Variants in TTLL11 observed in about 807,000 individuals in gnomAD.
The protein encoded by TTLL11 is tubulin tyrosine ligase like 11.
Under a neutral mutation model 51.7 loss-of-function variants are expected in TTLL11, and 42 were observed. The observed-to-expected ratio is 0.81, with a 90% CI of 0.64 to 1.05. TTLL11 has a LOEUF of 1.05. Ranked by LOEUF, TTLL11 falls within the 50% of genes least tolerant of loss-of-function variation. The pLI is 0.00. For missense variants in TTLL11, 799 were observed against 940.4 expected (o/e 0.85, Z 1.97); for synonymous variants, 381 against 383.5 (o/e 0.99, Z 0.08).
intron 3 of TTLL11, among the ~76,000 whole-genome samples, chr9:122,007,062 T>C (rs1433495031): frequency 6.6e-6 from 1 of 152,032 alleles, no homozygotes; most frequent in Admixed American, 6.6e-5. Context: ...TTGTTTTTAT[T>C]TTAACTACAT....
chr9:121,869,099 T>C (rs531192672), intron 7 of TTLL11, among the ~76,000 whole-genome samples: 275 of 152,322 alleles, frequency 1.8e-3, no homozygotes, highest in African/African-American at 6.3e-3. Flanking sequence ...TCCCAAAGCC[T>C]GTCCTCTTTC....
At chr9:121,833,479 C>T (rs1837088510) in intron 8 of TTLL11, among the ~76,000 whole-genome samples, 1 of 152,220 alleles carries the variant, frequency 6.6e-6, no homozygotes, top group African/African-American at 2.4e-5. Flanking sequence ...AGGATGGGAA[C>T]AAGAATCCTA....
chr9:121,960,295 G>A (rs972968274), intron 6 of TTLL11, among the ~76,000 whole-genome samples: 4 of 152,110 alleles, frequency 2.6e-5, no homozygotes, highest in Admixed American at 6.5e-5. Flanking sequence ...TTTCATTGAC[G>A]TATAGTACTC....
chr9:121,990,285 G>A (rs978517412), intron 3 of TTLL11, among the ~76,000 whole-genome samples: 8 of 152,218 alleles, frequency 5.3e-5, no homozygotes, highest in Admixed American at 4.6e-4. Flanking sequence ...TCAGACACTG[G>A]CCCTGCTCCT....
intron 4 of TTLL11, among the ~76,000 whole-genome samples, chr9:121,987,061 CA>C (rs1057202061): frequency 9.9e-5 from 15 of 151,888 alleles, no homozygotes; most frequent in African/African-American, 3.6e-4. Flanking sequence ...TTATAAAACT[CA>C]AAAACAAGCA....
intron 6 of TTLL11, among the ~76,000 whole-genome samples, chr9:121,953,470 A>G (rs1470259340): frequency 6.6e-6 from 1 of 151,888 alleles, no homozygotes; most frequent in African/African-American, 2.4e-5. Flanking sequence ...CATCTCTACT[A>G]AAAAATACAA....
At chr9:121,878,181 G>A (rs1838639569) in intron 6 of TTLL11, among the ~76,000 whole-genome samples, 4 of 152,094 alleles carry the variant, frequency 2.6e-5, no homozygotes, top group South Asian at 2.1e-4. Context: ...CTGTGGGGTG[G>A]CGTGAGGCTA....
chr9:122,055,427 AT>A (rs1845268942), intron 1 of TTLL11, among the ~76,000 whole-genome samples: 1 of 152,106 alleles, frequency 6.6e-6, no homozygotes, highest in African/African-American at 2.4e-5. Context: ...CCATTCCAGG[AT>A]TTTCACATCT....
intron 6 of TTLL11, among the ~76,000 whole-genome samples, chr9:121,877,932 G>A (rs902829791): frequency 3.3e-5 from 5 of 152,120 alleles, no homozygotes; most frequent in African/African-American, 7.2e-5. Flanking sequence ...GAGTCAGGCC[G>A]GTTATTTGTA....
intron 8 of TTLL11, among the ~76,000 whole-genome samples, chr9:121,847,809 A>ATTCT (rs1451871355): frequency 1.3e-5 from 2 of 152,208 alleles, no homozygotes; most frequent in Non-Finnish European, 2.9e-5. Context: ...CTGTGAGGCC[A>ATTCT]GCATTACCCT....
rs1342516506 is a variant in TTLL11, at chr9:121,895,376, GC to G, written c.1482-24629del. 2.0e-5 allele frequency among the ~76,000 whole-genome samples: 3 copies of G among 151,692 alleles called. No homozygotes were observed. The East Asian group carries it at 5.8e-4, about 30-fold the overall frequency. On this transcript the variant is annotated intron_variant, in intron 6 of 8. Coordinates refer to ENST00000321582, the MANE Select transcript of TTLL11 (RefSeq NM_001139442.2). Reference sequence around the variant, plus strand: ...TGCGTGTGTGTGTATTGTGTGATGTGCGGTTGTATGATTGTGTGTTTGTGTG... The same window carrying G: ...TGCGTGTGTGTGTATTGTGTGATGTGGGTTGTATGATTGTGTGTTTGTGTG...
chr9:121,850,151 C>CAT (rs200317553), intron 8 of TTLL11, among the ~76,000 whole-genome samples: 10,177 of 106,704 alleles, frequency 0.095, 988 homozygotes, highest in African/African-American at 0.31. Context: ...AGACTCACTG[C>CAT]ATATATATAT....
chr9:121,822,729 C>A lies in TTLL11; in HGVS notation c.1991G>T (p.Arg664Leu). ...GGGCCGGCCCCCCGACGGGACGCCC[C>A]GGCCACACACCAGGCGTTTTTCATC... Reference protein sequence around the residue: ...LLDEKRLVCGRGVPSGGRPPH... With the variant: ...LLDEKRLVCGLGVPSGGRPPH... Residue 664 changes from arginine to leucine, a missense_variant, in exon 9 of 9, where the codon CGG becomes CTG. Arg to Leu is a moderately radical substitution (Grantham distance 102). Coordinates refer to ENST00000321582, the MANE Select transcript of TTLL11 (RefSeq NM_001139442.2). This position sits in a 1 kb window ranked among gnomAD's most constrained non-coding sequence, Gnocchi z 5.8. 1.3e-6 allele frequency: 2 copies of A among 1,551,306 alleles called. No homozygotes were observed. The highest frequency in any genetic ancestry group is 1.7e-6 in the Non-Finnish European group (2 of 1,146,944).
At chr9:122,067,397 T>C (rs1845614570) in intron 1 of TTLL11, among the ~76,000 whole-genome samples, 1 of 152,192 alleles carries the variant, frequency 6.6e-6, no homozygotes, top group Non-Finnish European at 1.5e-5. Flanking sequence ...AACTTATTCA[T>C]GTGGGAAGAT....
Position 122,093,250 on chromosome 9 carries a change from G to C in TTLL11, c.-102C>G. 1 of 1,510,648 alleles carries C rather than the reference G, an allele frequency of 6.6e-7. No homozygotes were observed. The allele number at this position is 1,510,648 out of a possible 1,614,324, so 93.6% of individuals were successfully genotyped here. A position where few individuals can be genotyped will look rare whatever the true frequency, so the allele number is the denominator to read the frequency against. On this transcript the variant is annotated 5_prime_UTR_variant, in exon 1 of 9. Transcript: ENST00000321582. ...CTGCCGCCGCTGCAGCCGCTGCCAC[G>C]CGTTCCCCGCCCGAGCCCGTTGCCA...
At chr9:121,873,917 C>A (rs1441521438) in intron 6 of TTLL11, among the ~76,000 whole-genome samples, 1 of 145,940 alleles carries the variant, frequency 6.9e-6, no homozygotes, top group African/African-American at 2.6e-5. Context: ...TGGCTCACTG[C>A]CACTGCAACC....
chr9:121,848,360 C>T (rs1242839603), intron 8 of TTLL11, among the ~76,000 whole-genome samples: 1 of 152,096 alleles, frequency 6.6e-6, no homozygotes, highest in Non-Finnish European at 1.5e-5. Flanking sequence ...AAAAAGTCCC[C>T]CCCCTTACCA....
chr9:122,053,335 G>A (rs909442875), intron 1 of TTLL11, among the ~76,000 whole-genome samples: 2 of 152,126 alleles, frequency 1.3e-5, no homozygotes. Context: ...GTAGGCCTTC[G>A]CAAAGGAAGA....
chr9:121,838,781 A>AAGC (rs1837259775), intron 8 of TTLL11, among the ~76,000 whole-genome samples: 109 of 140,000 alleles, frequency 7.8e-4, no homozygotes, highest in African/African-American at 1.6e-3. Context: ...AGCAAGCAAG[A>AAGC]AAGCAAGCAA....
Sources: allele counts gnomAD v4.1 joint callset (sites outside exome capture counted in the v4.1 genomes callset), GRCh38; gene constraint gnomAD v4.1.1; non-coding constraint Gnocchi (gnomAD v3.1); transcripts MANE v1.5; gene names NCBI Gene and HGNC (gene_info 2026-07-23, HGNC 2026-07-21).